Variants in KIRREL3 observed in about 807,000 individuals in gnomAD.
KIRREL3 encodes the protein kin of IRRE-like protein 3.
Under a neutral mutation model 89.7 loss-of-function variants are expected in KIRREL3, and 36 were observed. The ratio of observed to expected loss-of-function variants is 0.40; its 90% CI spans 0.31 to 0.53. KIRREL3 has a LOEUF of 0.53. Among genes scored for constraint, KIRREL3 ranks in the 20% least tolerant of loss-of-function variants. KIRREL3 has a pLI of 0.49. For missense variants in KIRREL3, 864 were observed against 1,056.6 expected (o/e 0.82, Z 2.53); for synonymous variants, 445 against 441.4 (o/e 1.01, Z -0.10).
rs1950009336 is a variant in KIRREL3 at position 126,771,177 on chromosome 11, G to C, written c.56-208265C>G. On this transcript the variant is annotated intron_variant, in intron 1 of 16. Transcript: ENST00000525144. The surrounding 1 kb of genome is among the most constrained non-coding windows in gnomAD (Gnocchi z 4.4). ...TAAAGAGTGTTGTATACCAAGTCTT[G>C]TGTTAGCTGCTTTTACAACCATTGT... Among the ~76,000 whole-genome samples the C allele has an allele frequency of 6.6e-6, 1 of 152,064 alleles. No homozygotes were observed. The highest frequency in any genetic ancestry group is 1.5e-5 in the Non-Finnish European group (1 of 68,000).
intron 11 of KIRREL3, among the ~76,000 whole-genome samples, chr11:126,438,276 AG>A (rs1166574311): frequency 2.0e-5 from 3 of 152,246 alleles, no homozygotes; most frequent in African/African-American, 7.2e-5. Flanking sequence ...CGTCTGCCTT[AG>A]TTTACAGGGC....
At chr11:126,855,859 T>C (rs1195731322) in intron 1 of KIRREL3, among the ~76,000 whole-genome samples, 1 of 152,152 alleles carries the variant, frequency 6.6e-6, no homozygotes, top group Non-Finnish European at 1.5e-5. Context: ...TTCATCAGGG[T>C]TTCTCTGGAC....
rs1591451291 is a variant in KIRREL3, at chr11:127,000,340, G to C, written c.55+115C>G. 2 of 766,480 alleles carry C rather than the reference G, an allele frequency of 2.6e-6. No individual in the cohort carries two copies. The highest frequency in any genetic ancestry group is 3.8e-5 in the South Asian group (2 of 53,330). The allele number at this position is 766,480 out of a possible 1,614,324, so 47.5% of individuals were successfully genotyped here. Reference sequence around the variant, plus strand: ...CCAGAGCATCTCAGCCCGGCACCGAGAGACGCATCCATCAGTCCGAGTTCC... The same window carrying C: ...CCAGAGCATCTCAGCCCGGCACCGACAGACGCATCCATCAGTCCGAGTTCC... On this transcript the variant is annotated intron_variant, in intron 1 of 16. Transcript: ENST00000525144. The surrounding 1 kb of genome is among the most constrained non-coding windows in gnomAD (Gnocchi z 7.1).
rs1943089501 is a variant in KIRREL3, at chr11:126,610,594, G to C, written c.56-47682C>G. ...GCACTCAACAAATGCCAGGCACTGG[G>C]GCTATAATCACATGGGGAGAAGGAG... On this transcript the variant is annotated intron_variant, in intron 1 of 16. Coordinates refer to ENST00000525144, the MANE Select transcript of KIRREL3 (RefSeq NM_032531.4). This position sits in a 1 kb window ranked among gnomAD's most constrained non-coding sequence, Gnocchi z 4.6. 6.6e-6 allele frequency: 1 copy of C among 152,220 alleles called. No homozygotes were observed. Among genetic ancestry groups the C allele is most frequent in the Admixed American group, 6.5e-5 (1 of 15,280 alleles). The allele number at this position is 152,220 out of a possible 1,614,324, so 9.4% of individuals were successfully genotyped here.
chr11:126,583,921 A>G (rs1483255619), intron 1 of KIRREL3, among the ~76,000 whole-genome samples: 3 of 152,218 alleles, frequency 2.0e-5, no homozygotes, highest in East Asian at 1.9e-4. Context: ...GGCTTTCAGA[A>G]GGCATTACAG....
chr11:126,705,157 G>C lies in KIRREL3; in HGVS notation c.56-142245C>G, dbSNP rs1947477073. On this transcript the variant is annotated intron_variant, in intron 1 of 16. Coordinates refer to ENST00000525144, the MANE Select transcript of KIRREL3 (RefSeq NM_032531.4). The surrounding 1 kb of genome is among the most constrained non-coding windows in gnomAD (Gnocchi z 4.3). ...GAATACAAACAGTACAAAGATGTCA[G>C]TCCTTTTCTACTCGTGCCAAAATTA... is the stretch of plus-strand genomic sequence containing the variant. Among the ~76,000 whole-genome samples, 1 of 152,142 alleles carries C rather than the reference G, an allele frequency of 6.6e-6. No homozygotes were observed. The highest frequency in any genetic ancestry group is 2.1e-4 in the South Asian group (1 of 4,816).
Position 126,742,876 on chromosome 11 carries a change from A to T in KIRREL3, c.56-179964T>A, listed in dbSNP as rs1053671142. ...AAGAGGCAAGAAAAAGATTCTGAAG[A>T]TGATGGATCTGCATTAAGCAAAACC... On this transcript the variant is annotated intron_variant, in intron 1 of 16. Transcript: ENST00000525144. The surrounding 1 kb of genome is among the most constrained non-coding windows in gnomAD (Gnocchi z 5.3). Among the ~76,000 whole-genome samples the T allele has an allele frequency of 6.6e-6, 1 of 152,216 alleles. No homozygotes were observed. The highest frequency in any genetic ancestry group is 1.5e-5 in the Non-Finnish European group (1 of 68,036).
At chr11:126,975,216 A>C (rs1174495761) in intron 1 of KIRREL3, among the ~76,000 whole-genome samples, 2 of 152,202 alleles carry the variant, frequency 1.3e-5, no homozygotes, top group Non-Finnish European at 2.9e-5. Flanking sequence ...ACTGAGTGGT[A>C]AGAATGTGAA....
intron 1 of KIRREL3, among the ~76,000 whole-genome samples, chr11:126,731,741 G>A (rs756451722): frequency 3.3e-5 from 5 of 152,200 alleles, no homozygotes; most frequent in Non-Finnish European, 7.3e-5. Context: ...TGATCCATCT[G>A]GCTCCCAGTT....
Position 126,800,503 on chromosome 11 carries a change from C to T in KIRREL3, c.55+199952G>A, listed in dbSNP as rs527417629. The stretch of plus-strand genomic sequence containing the variant: ...GGAGGTCTCCAGGGAAGGATTTCTC[C>T]CTTAATTAAGATTCAACTGCAGTGA... On this transcript the variant is annotated intron_variant, in intron 1 of 16. Coordinates refer to ENST00000525144, the MANE Select transcript of KIRREL3 (RefSeq NM_032531.4). Among the ~76,000 whole-genome samples the T allele has an allele frequency of 5.3e-5, 8 of 152,218 alleles. No individual in the cohort carries two copies. The South Asian group carries it at 1.7e-3, about 32-fold the overall frequency.
At position 126,870,648 on chromosome 11, in the gene KIRREL3, A is replaced by T. The variant is rs1299089954; in HGVS notation, c.55+129807T>A. On this transcript the variant is annotated intron_variant, in intron 1 of 16. Coordinates refer to ENST00000525144, the MANE Select transcript of KIRREL3 (RefSeq NM_032531.4). The surrounding 1 kb of genome is among the most constrained non-coding windows in gnomAD (Gnocchi z 4.4). Reference sequence around the variant, plus strand: ...GAAGCTCCCTCCAACCTCGTTTCCAATTCCACTCATGGCCGCCATCTATTT... The same window carrying T: ...GAAGCTCCCTCCAACCTCGTTTCCATTTCCACTCATGGCCGCCATCTATTT... Among the ~76,000 whole-genome samples, 1 of 152,100 alleles carries T rather than the reference A, an allele frequency of 6.6e-6. No homozygotes were observed. Among genetic ancestry groups the T allele is most frequent in the East Asian group, 1.9e-4 (1 of 5,172 alleles).
At chr11:126,618,305 C>A (rs1350532618) in intron 1 of KIRREL3, among the ~76,000 whole-genome samples, 3 of 152,180 alleles carry the variant, frequency 2.0e-5, no homozygotes, top group African/African-American at 7.2e-5. Flanking sequence ...TATTAGTGAG[C>A]CAAACTCTAC....
At position 126,723,767 on chromosome 11, in the gene KIRREL3, G is replaced by A. The variant is rs990622686; in HGVS notation, c.56-160855C>T. ...GATACAATATGAAAAGAGAAGGGAAGAAGGAAAGATGGAAGGAAAAGACTT... is the reference window on the plus strand; with the variant it reads ...GATACAATATGAAAAGAGAAGGGAAAAAGGAAAGATGGAAGGAAAAGACTT... On this transcript the variant is annotated intron_variant, in intron 1 of 16. Transcript: ENST00000525144. The surrounding 1 kb of genome is among the most constrained non-coding windows in gnomAD (Gnocchi z 4.0). 5.9e-5 allele frequency among the ~76,000 whole-genome samples: 9 copies of A among 152,210 alleles called. No individual in the cohort carries two copies. The East Asian group carries it at 1.7e-3, about 29-fold the overall frequency.
chr11:126,906,783 C>A lies in KIRREL3; in HGVS notation c.55+93672G>T, dbSNP rs554560900. On this transcript the variant is annotated intron_variant, in intron 1 of 16. Coordinates refer to ENST00000525144, the MANE Select transcript of KIRREL3 (RefSeq NM_032531.4). The surrounding 1 kb of genome is among the most constrained non-coding windows in gnomAD (Gnocchi z 4.1). ...CTCTGTAGCCCACAGTGCAAGGCTGCCTGTGGCTTCTTCCTGGGACGTCTG... is the reference window on the plus strand; with the variant it reads ...CTCTGTAGCCCACAGTGCAAGGCTGACTGTGGCTTCTTCCTGGGACGTCTG... 6.6e-6 allele frequency among the ~76,000 whole-genome samples: 1 copy of A among 152,316 alleles called. No individual in the cohort carries two copies. The highest frequency in any genetic ancestry group is 2.4e-5 in the African/African-American group (1 of 41,572).
intron 2 of KIRREL3, among the ~76,000 whole-genome samples, chr11:126,549,055 G>T (rs1939047346): frequency 6.6e-6 from 1 of 152,196 alleles, no homozygotes; most frequent in Non-Finnish European, 1.5e-5. Context: ...TGGTTGAGAA[G>T]TGCTGCTCTT....
At chr11:126,853,954 T>A (rs541972837) in intron 1 of KIRREL3, among the ~76,000 whole-genome samples, 129 of 152,306 alleles carry the variant, frequency 8.5e-4, no homozygotes, top group African/African-American at 3.0e-3. Context: ...GGTTAATTAT[T>A]CAACCCTTTG....
intron 2 of KIRREL3, among the ~76,000 whole-genome samples, chr11:126,536,279 G>T (rs1254989179): frequency 6.6e-6 from 1 of 152,072 alleles, no homozygotes; most frequent in African/African-American, 2.4e-5. Context: ...GTGTGTGTGT[G>T]TGTGTATCGG....
intron 1 of KIRREL3, chr11:126,935,267 G>A (rs1948134500): frequency 6.6e-6 from 1 of 151,432 alleles, no homozygotes; most frequent in African/African-American, 2.4e-5. Context: ...CACTGCTGCT[G>A]GGAAGGCAAA....
intron 1 of KIRREL3, among the ~76,000 whole-genome samples, chr11:126,695,448 T>C (rs959387111): frequency 6.8e-6 from 1 of 147,020 alleles, no homozygotes; most frequent in African/African-American, 2.5e-5. Flanking sequence ...CTAAGTCACG[T>C]GGCATCTGAG....
Sources: allele counts gnomAD v4.1 joint callset (sites outside exome capture counted in the v4.1 genomes callset), GRCh38; gene constraint gnomAD v4.1.1; non-coding constraint Gnocchi (gnomAD v3.1); transcripts MANE v1.5; gene names NCBI Gene and HGNC (gene_info 2026-07-23, HGNC 2026-07-21).